Variants in WDFY3 observed in about 807,000 individuals in gnomAD.
WDFY3 encodes WD repeat and FYVE domain containing 3.
In WDFY3, 66 loss-of-function variants were observed where a neutral mutation model predicts 409.6. The ratio of observed to expected loss-of-function variants is 0.16; its 90% CI spans 0.13 to 0.20. WDFY3 has a LOEUF of 0.20. Among genes scored for constraint, WDFY3 ranks in the 10% least tolerant of loss-of-function variants. The probability of loss-of-function intolerance (pLI) is 1.00; values close to 1 mark genes in which losing one functional copy is unlikely to be tolerated. For synonymous variants in WDFY3, 1,521 were observed against 1,537.1 expected (o/e 0.99, Z 0.25); for missense variants, 3,031 against 4,298.1 (o/e 0.71, Z 8.24).
At chr4:84,736,078 G>T (rs1403603079) in intron 42 of WDFY3, 92 bp downstream of exon 42, 1 of 1,378,826 alleles carries the variant, frequency 7.3e-7, no homozygotes, top group African/African-American at 1.5e-5. Context: ...CAAAAATACA[G>T]AAAAGTTTCA....
intron 44 of WDFY3, among the ~76,000 whole-genome samples, chr4:84,732,504 C>CTG (rs1351906505): frequency 4.6e-5 from 7 of 152,136 alleles, no homozygotes; most frequent in Admixed American, 1.3e-4. Flanking sequence ...GTTTATCTGA[C>CTG]TGTACCCTTT....
Position 84,692,480 on chromosome 4 carries a change from A to G in WDFY3, c.9049+405T>C, listed in dbSNP as rs572064978. On this transcript the variant is annotated intron_variant, in intron 59 of 67. Transcript: ENST00000295888. ...CATTATACCATTAGATAAAACACAG[A>G]TGTCTTTTCATTGGCATACTAAAAA... 2.6e-5 allele frequency among the ~76,000 whole-genome samples: 4 copies of G among 152,314 alleles called. No individual in the cohort carries two copies. In the East Asian group the frequency reaches 7.7e-4, roughly 29 times the overall value.
chr4:84,928,235 G>A (rs1019422733), intron 2 of WDFY3, among the ~76,000 whole-genome samples: 2 of 152,140 alleles, frequency 1.3e-5, no homozygotes, highest in African/African-American at 2.4e-5. Flanking sequence ...TCTGGGACTA[G>A]CATCAACCCC....
At position 84,822,653 on chromosome 4, in the gene WDFY3, A is replaced by T. The variant is rs149716369; in HGVS notation, c.1124-1102T>A. Reference sequence around the variant, plus strand: ...CTTGAGCCCAGGAGTTTGAGGTTGCAGTGGGCTATGATCACACCACTGCAC... The same window carrying T: ...CTTGAGCCCAGGAGTTTGAGGTTGCTGTGGGCTATGATCACACCACTGCAC... On this transcript the variant is annotated intron_variant, in intron 10 of 67. Coordinates refer to ENST00000295888, the MANE Select transcript of WDFY3 (RefSeq NM_014991.6). Among the ~76,000 whole-genome samples, 49 of 152,284 alleles carry T rather than the reference A, an allele frequency of 3.2e-4. 1 individual carries two copies. The East Asian group carries it at 9.3e-3, about 29-fold the overall frequency.
intron 40 of WDFY3, 110 bp downstream of exon 40, chr4:84,738,900 G>C (rs1737928503): frequency 1.9e-6 from 2 of 1,047,600 alleles, no homozygotes; most frequent in East Asian, 2.4e-5. Context: ...GCCCTACTGG[G>C]AGAGTTGCTA....
At chr4:84,863,983 G>C (rs929417453) in intron 3 of WDFY3, among the ~76,000 whole-genome samples, 1 of 152,004 alleles carries the variant, frequency 6.6e-6, no homozygotes, top group Non-Finnish European at 1.5e-5. Context: ...GACACTTTCA[G>C]TTTTTTTCTT....
At chr4:84,688,354 G>A in intron 61 of WDFY3, 89 bp from the exon 62 acceptor site, 1 of 1,272,936 alleles carries the variant, frequency 7.9e-7, no homozygotes, top group Non-Finnish European at 1.1e-6. Flanking sequence ...GCATCAGGAA[G>A]CAGTGGCACG....
chr4:84,730,517 T>C (rs929412130), intron 44 of WDFY3, among the ~76,000 whole-genome samples: 1 of 152,206 alleles, frequency 6.6e-6, no homozygotes, highest in African/African-American at 2.4e-5. Flanking sequence ...AATATACTCC[T>C]ACCTTACTAC....
chr4:84,789,919 G>C lies in WDFY3; in HGVS notation c.3488-12C>G. ...ACTAAAATCATCAACTGAAATAAAG[G>C]GGGGAAGACATAAAAACTTTTTCCA... On this transcript the variant is annotated splice_polypyrimidine_tract_variant and intron_variant, in intron 21 of 67. Transcript: ENST00000295888. The C allele has an allele frequency of 6.2e-7, 1 of 1,613,060 alleles. No individual in the cohort carries two copies. The highest frequency in any genetic ancestry group is 8.5e-7 in the Non-Finnish European group (1 of 1,179,464).
intron 33 of WDFY3, among the ~76,000 whole-genome samples, chr4:84,756,242 A>T (rs1741426254): frequency 1.3e-5 from 2 of 152,096 alleles, no homozygotes; most frequent in South Asian, 4.1e-4. Context: ...AGTGATATTT[A>T]ATTTATGGTA....
chr4:84,689,762 T>C (rs1560533938), intron 61 of WDFY3, among the ~76,000 whole-genome samples: 2 of 152,206 alleles, frequency 1.3e-5, no homozygotes, highest in South Asian at 4.1e-4. Context: ...AACTACCTTG[T>C]AGAATTGTGT....
At chr4:84,773,524 C>T (rs4235068) in intron 29 of WDFY3, among the ~76,000 whole-genome samples, 149,064 of 152,220 alleles carry the variant, frequency 0.98, 73,072 homozygotes, top group East Asian at 1. Context: ...ATTCGAATTA[C>T]GTGACCTGGG....
chr4:84,829,339 T>TA, intron 8 of WDFY3, 149 bp from the exon 9 acceptor site: 1 of 649,884 alleles, frequency 1.5e-6, no homozygotes, highest in Non-Finnish European at 2.4e-6. Flanking sequence ...TAAAAGTCAA[T>TA]ATAAGAGTCA....
intron 17 of WDFY3, among the ~76,000 whole-genome samples, chr4:84,799,824 A>C (rs1294192114): frequency 6.6e-6 from 1 of 152,232 alleles, no homozygotes. Flanking sequence ...TTAAGTAGCA[A>C]AGTACTTGTA....
chr4:84,717,620 T>A (rs1560590148), intron 48 of WDFY3, among the ~76,000 whole-genome samples: 1 of 152,198 alleles, frequency 6.6e-6, no homozygotes, highest in Admixed American at 6.5e-5. Context: ...TTGGTCTGTC[T>A]CCTGAGTTTT....
At chr4:84,695,537 G>T (rs1321248940) in intron 58 of WDFY3, among the ~76,000 whole-genome samples, 1 of 151,444 alleles carries the variant, frequency 6.6e-6, no homozygotes, top group African/African-American at 2.4e-5. Context: ...GAGAGAGAGA[G>T]AGAGAGAGAG....
chr4:84,872,748 A>C (rs575934080), intron 3 of WDFY3, among the ~76,000 whole-genome samples: 5 of 152,340 alleles, frequency 3.3e-5, no homozygotes, highest in African/African-American at 9.6e-5. Context: ...GTAACTTTAA[A>C]CATAAATAAT....
chr4:84,694,198 G>A (rs987529782), intron 58 of WDFY3, among the ~76,000 whole-genome samples: 1 of 152,114 alleles, frequency 6.6e-6, no homozygotes, highest in Admixed American at 6.6e-5. Flanking sequence ...ATAAGATCAG[G>A]CTTCTATAAA....
At chr4:84,783,165 TA>T in intron 24 of WDFY3, 91 bp from the exon 25 acceptor site, 1 of 1,167,482 alleles carries the variant, frequency 8.6e-7, no homozygotes, top group Non-Finnish European at 1.3e-6. Context: ...AATGGTAACA[TA>T]TCTTTTCTCT....
Sources: gnomAD v4.1 joint callset for allele counts (sites outside exome capture counted in the v4.1 genomes callset) on GRCh38, gnomAD v4.1.1 for gene constraint, MANE v1.5 for transcripts, NCBI Gene and HGNC (gene_info 2026-07-23, HGNC 2026-07-21) for gene names.